Variants in XKR6 observed in about 807,000 individuals in gnomAD.
XKR6 encodes XK related 6, also known as XK-related protein 6.
Under a neutral mutation model 56.7 loss-of-function variants are expected in XKR6, and 22 were observed. The observed-to-expected ratio is 0.39, with a 90% CI of 0.28 to 0.55. The LOEUF (loss-of-function observed/expected upper bound fraction) is 0.55, where lower values mean the gene tolerates loss of function less well. Among genes scored for constraint, XKR6 ranks in the 20% least tolerant of loss-of-function variants. The probability of loss-of-function intolerance (pLI) is 0.66; values close to 1 mark genes in which losing one functional copy is unlikely to be tolerated. For missense variants in XKR6, 852 were observed against 889.0 expected (o/e 0.96, Z 0.53); for synonymous variants, 524 against 387.8 (o/e 1.35, Z -4.13).
intron 1 of XKR6, among the ~76,000 whole-genome samples, chr8:10,968,566 C>G (rs1802302440): frequency 6.6e-6 from 1 of 152,212 alleles, no homozygotes; most frequent in Non-Finnish European, 1.5e-5. Context: ...GGTGTTTGTT[C>G]CTAGCTCCAG....
chr8:10,901,187 C>G (rs894064945), intron 2 of XKR6, among the ~76,000 whole-genome samples: 2 of 151,894 alleles, frequency 1.3e-5, no homozygotes, highest in East Asian at 1.9e-4. Context: ...TCCAGAGTAG[C>G]TGGGACTACA....
intron 1 of XKR6, among the ~76,000 whole-genome samples, chr8:11,177,243 T>C (rs1223745788): frequency 6.6e-6 from 1 of 152,216 alleles, no homozygotes; most frequent in Admixed American, 6.5e-5. Context: ...CCTGCTCTCC[T>C]ATAGCGAAGC....
At chr8:11,084,766 G>T (rs1797832404) in intron 1 of XKR6, among the ~76,000 whole-genome samples, 1 of 152,176 alleles carries the variant, frequency 6.6e-6, no homozygotes, top group Non-Finnish European at 1.5e-5. Context: ...GCTCAGAGAA[G>T]GTTCTCCATA....
intron 1 of XKR6, among the ~76,000 whole-genome samples, chr8:11,121,382 T>C (rs1044624357): frequency 6.6e-6 from 1 of 152,152 alleles, no homozygotes; most frequent in Non-Finnish European, 1.5e-5. Context: ...GCGAAGGATA[T>C]GAACAGACAC....
At chr8:11,115,249 T>G (rs1276902825) in intron 1 of XKR6, among the ~76,000 whole-genome samples, 2 of 152,234 alleles carry the variant, frequency 1.3e-5, no homozygotes, top group Non-Finnish European at 2.9e-5. Context: ...AAATCCTATT[T>G]TAATCCTGGA....
chr8:11,086,133 A>AATATATATATATATATATATATATATAT (rs138365092), intron 1 of XKR6, among the ~76,000 whole-genome samples: 78 of 90,008 alleles, frequency 8.7e-4, no homozygotes, highest in African/African-American at 4.2e-3. Flanking sequence ...TTAAAAAGAA[A>AATATATATATATATATATATATATATAT]ATATATATAT....
At chr8:11,174,301 G>A (rs142095974) in intron 1 of XKR6, among the ~76,000 whole-genome samples, 8 of 152,296 alleles carry the variant, frequency 5.3e-5, no homozygotes, top group East Asian at 3.9e-4. Context: ...GATGGCAAGC[G>A]ACACTGCAAC....
chr8:10,980,880 T>C (rs1797718530), intron 1 of XKR6, among the ~76,000 whole-genome samples: 1 of 152,150 alleles, frequency 6.6e-6, no homozygotes, highest in Admixed American at 6.5e-5. Flanking sequence ...TCTACTGACC[T>C]ACCCAAGTTG....
intron 1 of XKR6, among the ~76,000 whole-genome samples, chr8:11,111,462 G>C (rs1798888685): frequency 6.6e-6 from 1 of 152,158 alleles, no homozygotes; most frequent in Admixed American, 6.5e-5. Flanking sequence ...ACCGGTTCCA[G>C]ACTGAAATTT....
intron 1 of XKR6, among the ~76,000 whole-genome samples, chr8:11,139,925 A>G (rs1184292561): frequency 2.6e-5 from 4 of 152,216 alleles, no homozygotes. Flanking sequence ...AACTGAGCTA[A>G]AGTATGTGAA....
At chr8:11,057,495 A>T (rs1441812748) in intron 1 of XKR6, among the ~76,000 whole-genome samples, 1 of 152,212 alleles carries the variant, frequency 6.6e-6, no homozygotes, top group Non-Finnish European at 1.5e-5. Context: ...TGTCAAGTGC[A>T]TCGTCGTGGC....
rs1586285816 is a variant in XKR6, at chr8:10,903,980, G to A, written c.962-5064C>T. ...CTGAAGTCAACTCAAAAGTCAATGC[G>A]TTCTCCTAGGTAACACCCAAGCACA... On this transcript the variant is annotated intron_variant, in intron 2 of 2. Transcript: ENST00000416569. 3.3e-5 allele frequency among the ~76,000 whole-genome samples: 5 copies of A among 152,276 alleles called. No homozygotes were observed. In the South Asian group the frequency reaches 8.3e-4, roughly 25 times the overall value.
chr8:11,117,072 T>G (rs563642616), intron 1 of XKR6, among the ~76,000 whole-genome samples: 3 of 152,348 alleles, frequency 2.0e-5, no homozygotes, highest in African/African-American at 7.2e-5. Flanking sequence ...AAATTTAGAC[T>G]AACTATAGAG....
chr8:11,174,900 A>G (rs1802580080), intron 1 of XKR6, among the ~76,000 whole-genome samples: 1 of 152,218 alleles, frequency 6.6e-6, no homozygotes, highest in South Asian at 2.1e-4. Flanking sequence ...GTATTTAACT[A>G]AAGTTCCACA....
At chr8:10,998,851 C>G (rs1563336845) in intron 1 of XKR6, among the ~76,000 whole-genome samples, 1 of 152,212 alleles carries the variant, frequency 6.6e-6, no homozygotes, top group African/African-American at 2.4e-5. Context: ...CTCCAAGCAG[C>G]ATGGCAGCAA....
At chr8:10,955,404 C>G (rs978955920) in intron 1 of XKR6, among the ~76,000 whole-genome samples, 6 of 152,066 alleles carry the variant, frequency 3.9e-5, no homozygotes, top group Admixed American at 3.9e-4. Flanking sequence ...TAGCCTTGAA[C>G]TTTTGGGCTC....
intron 1 of XKR6, among the ~76,000 whole-genome samples, chr8:11,085,644 T>C (rs1218463425): frequency 1.3e-5 from 2 of 152,142 alleles, no homozygotes; most frequent in African/African-American, 4.8e-5. Flanking sequence ...ATGCCCGCCA[T>C]AGGATGGTCT....
At chr8:11,021,556 A>G (rs999889114) in intron 1 of XKR6, among the ~76,000 whole-genome samples, 3 of 152,178 alleles carry the variant, frequency 2.0e-5, no homozygotes, top group Non-Finnish European at 4.4e-5. Flanking sequence ...CCTTTCAAGC[A>G]GAAAACAGAC....
chr8:11,111,733 ATC>A (rs980275473), intron 1 of XKR6: 5 of 152,214 alleles, frequency 3.3e-5, no homozygotes, highest in Admixed American at 6.5e-5. Flanking sequence ...CATCATAATT[ATC>A]TGTTATTAGA....
Sources: allele counts gnomAD v4.1 joint callset (sites outside exome capture counted in the v4.1 genomes callset), GRCh38; gene constraint gnomAD v4.1.1; transcripts MANE v1.5; gene names NCBI Gene and HGNC (gene_info 2026-07-23, HGNC 2026-07-21).